The following SLC9B1 variants were observed in gnomAD, a reference collection of about 807,000 sequenced individuals.
SLC9B1 encodes the protein solute carrier family 9 member B1.
In SLC9B1, 32 loss-of-function variants were observed where a neutral mutation model predicts 51.7. That is an observed-to-expected ratio of 0.62 (90% CI 0.47 to 0.83). The LOEUF is 0.83. SLC9B1 is among the 40% of genes least tolerant of loss of function. SLC9B1 has a pLI of 0.00. For synonymous variants in SLC9B1, 145 were observed against 212.7 expected, an observed-to-expected ratio of 0.68 and a Z score of 2.77; for missense variants, 406 against 613.2, an observed-to-expected ratio of 0.66 and a Z score of 3.57.
intron 5 of SLC9B1, among the ~76,000 whole-genome samples, chr4:102,945,765 G>C: frequency 6.6e-6 from 1 of 152,160 alleles, no homozygotes; most frequent in East Asian, 1.9e-4. Flanking sequence ...ACTTTTCAAT[G>C]TTCTCCTTGG....
chr4:102,966,749 C>T (rs879601244), intron 3 of SLC9B1, among the ~76,000 whole-genome samples: 37 of 152,196 alleles, frequency 2.4e-4, no homozygotes, highest in Non-Finnish European at 4.9e-4. Context: ...TCTCTCAGTG[C>T]TAATCTCTTT....
chr4:102,885,737 G>T (rs1733875454), intron 11 of SLC9B1, among the ~76,000 whole-genome samples: 1 of 152,150 alleles, frequency 6.6e-6, no homozygotes, highest in Non-Finnish European at 1.5e-5. Flanking sequence ...AAAAGCTTTG[G>T]TGTCATAGTA....
At chr4:102,987,284 G>T (rs1394018281) in intron 3 of SLC9B1, among the ~76,000 whole-genome samples, 1 of 152,054 alleles carries the variant, frequency 6.6e-6, no homozygotes, top group Non-Finnish European at 1.5e-5. Flanking sequence ...TATGTGGAAG[G>T]CTAGAGGAGG....
chr4:102,957,495 T>A (rs1316082904), intron 3 of SLC9B1, among the ~76,000 whole-genome samples: 2 of 151,920 alleles, frequency 1.3e-5, no homozygotes, highest in Non-Finnish European at 2.9e-5. Flanking sequence ...CTGAAAAAAA[T>A]GGAGGCCTTA....
intron 7 of SLC9B1, among the ~76,000 whole-genome samples, chr4:102,917,597 A>G (rs1735646782): frequency 6.6e-6 from 1 of 152,094 alleles, no homozygotes; most frequent in Non-Finnish European, 1.5e-5. Flanking sequence ...AAATGGAAAC[A>G]CAACATTCCA....
intron 7 of SLC9B1, among the ~76,000 whole-genome samples, chr4:102,927,491 T>C (rs1421015638): frequency 8.5e-5 from 13 of 152,274 alleles, no homozygotes; most frequent in Admixed American, 2.0e-4. Context: ...TCATCACTGG[T>C]CATCAGAGAA....
At chr4:102,955,825 G>A (rs751185507) in intron 3 of SLC9B1, among the ~76,000 whole-genome samples, 5 of 133,946 alleles carry the variant, frequency 3.7e-5, no homozygotes, top group Non-Finnish European at 6.4e-5. Flanking sequence ...CAAACAAAGT[G>A]GAAGAAAGAA....
At chr4:102,925,185 G>T (rs1736092582) in intron 7 of SLC9B1, among the ~76,000 whole-genome samples, 1 of 152,156 alleles carries the variant, frequency 6.6e-6, no homozygotes, top group African/African-American at 2.4e-5. Context: ...ACTGGATTAA[G>T]AAAATGTGGC....
intron 1 of SLC9B1, among the ~76,000 whole-genome samples, chr4:103,004,969 C>T (rs369270636): frequency 2.4e-4 from 36 of 152,142 alleles, no homozygotes; most frequent in Admixed American, 5.9e-4. Flanking sequence ...TGTTACCAGC[C>T]ACCACAAAAA....
rs757874968 is a variant in SLC9B1, at chr4:102,991,636, T to G, written c.69+7A>C. On this transcript the variant is annotated splice_region_variant and intron_variant, in intron 2 of 11. Coordinates refer to ENST00000296422, the MANE Select transcript of SLC9B1 (RefSeq NM_139173.4). Reference sequence around the variant, plus strand: ...TCATATATTACAGTATACTTTTAAGTTTTTACCTGAGGAGTTGTAGATGTT... The same window carrying G: ...TCATATATTACAGTATACTTTTAAGGTTTTACCTGAGGAGTTGTAGATGTT... 1.3e-6 allele frequency: 2 copies of G among 1,566,318 alleles called. No individual in the cohort carries two copies. The highest frequency in any genetic ancestry group is 1.2e-5 in the South Asian group (1 of 85,208).
intron 7 of SLC9B1, among the ~76,000 whole-genome samples, chr4:102,929,111 G>A (rs1465676645): frequency 6.6e-6 from 1 of 152,108 alleles, no homozygotes; most frequent in Non-Finnish European, 1.5e-5. Flanking sequence ...AGACACAACC[G>A]GGAACAATAC....
chr4:103,006,993 T>C (rs1420499891), intron 1 of SLC9B1, among the ~76,000 whole-genome samples: 1 of 152,184 alleles, frequency 6.6e-6, no homozygotes, highest in Non-Finnish European at 1.5e-5. Flanking sequence ...ATAATGTCGT[T>C]TATGACAAAC....
At position 102,946,687 on chromosome 4, in the gene SLC9B1, G is replaced by A; in HGVS notation, c.485C>T (p.Thr162Ile). 1 of 1,610,340 alleles carries A rather than the reference G, an allele frequency of 6.2e-7. No homozygotes were observed. Among genetic ancestry groups the A allele is most frequent in the Non-Finnish European group, 8.5e-7 (1 of 1,179,282 alleles). ...WSSILRSIAL[T>I]IILIRAGLGL... ...AAGCCCAGCTCTTATTAGAATAATG[G>A]TAAGGGCAATGCTTCTTAAAATTGA... is the stretch of plus-strand genomic sequence containing the variant. The change falls in exon 5 of 12, where the codon ACC (threonine) becomes ATC (isoleucine). Residue 162 changes from threonine to isoleucine, a missense_variant. Thr to Ile is a moderately conservative substitution (Grantham distance 89, BLOSUM62 -1). Transcript: ENST00000296422.
intron 1 of SLC9B1, among the ~76,000 whole-genome samples, chr4:103,005,082 A>G (rs1358567882): frequency 1.3e-5 from 2 of 152,182 alleles, no homozygotes; most frequent in Non-Finnish European, 2.9e-5. Context: ...AAATTTGCAT[A>G]TATCAAAGTA....
chr4:102,966,814 T>G (rs1738453014), intron 3 of SLC9B1, among the ~76,000 whole-genome samples: 1 of 152,226 alleles, frequency 6.6e-6, no homozygotes, highest in Non-Finnish European at 1.5e-5. Context: ...TGCTCTTTCA[T>G]TCTCTACCAC....
At chr4:103,005,305 A>G (rs1463421318) in intron 1 of SLC9B1, among the ~76,000 whole-genome samples, 2 of 151,828 alleles carry the variant, frequency 1.3e-5, no homozygotes, top group Non-Finnish European at 2.9e-5. Flanking sequence ...TTACTGTTCT[A>G]ATTTCAGACA....
At chr4:102,934,236 C>T (rs1648057772) in intron 6 of SLC9B1, among the ~76,000 whole-genome samples, 1 of 152,054 alleles carries the variant, frequency 6.6e-6, no homozygotes, top group African/African-American at 2.4e-5. Context: ...CTTAAGAAAA[C>T]AAGATACTGT....
At chr4:102,961,770 G>A (rs1029264548) in intron 3 of SLC9B1, among the ~76,000 whole-genome samples, 2 of 152,212 alleles carry the variant, frequency 1.3e-5, no homozygotes, top group South Asian at 2.1e-4. Context: ...TGTGCAGAAC[G>A]TGCAGGTTTG....
At chr4:102,920,712 T>A (rs1735830114) in intron 7 of SLC9B1, among the ~76,000 whole-genome samples, 1 of 152,176 alleles carries the variant, frequency 6.6e-6, no homozygotes, top group Non-Finnish European at 1.5e-5. Flanking sequence ...AGAGAAGACC[T>A]TAAGTGACCT....
Sources: allele counts gnomAD v4.1 joint callset (sites outside exome capture counted in the v4.1 genomes callset), GRCh38; gene constraint gnomAD v4.1.1; transcripts MANE v1.5; gene names NCBI Gene and HGNC (gene_info 2026-07-23, HGNC 2026-07-21).